Variants in RNLS observed in about 807,000 individuals in gnomAD.
The protein encoded by RNLS is renalase, FAD dependent amine oxidase, also known as renalase.
Under a neutral mutation model 39.8 loss-of-function variants are expected in RNLS, and 39 were observed. That is an observed-to-expected ratio of 0.98 (90% CI 0.76 to 1.28). RNLS has a LOEUF of 1.28. Ranked by LOEUF, RNLS falls within the 50% of genes most tolerant of loss-of-function variation. The probability of loss-of-function intolerance (pLI) is 0.00; values close to 1 mark genes in which losing one functional copy is unlikely to be tolerated. For missense variants in RNLS, 410 were observed against 413.3 expected (o/e 0.99, Z 0.07); for synonymous variants, 147 against 150.7 (o/e 0.98, Z 0.18).
chr10:88,328,706 C>T (rs188419974), intron 5 of RNLS, among the ~76,000 whole-genome samples: 28 of 152,152 alleles, frequency 1.8e-4, no homozygotes, highest in African/African-American at 6.3e-4. Context: ...AATACTAGAG[C>T]CTTAGATTAC....
the RNLS span, among the ~76,000 whole-genome samples, chr10:88,258,209 T>TA: frequency 1.3e-5 from 2 of 152,212 alleles, no homozygotes; most frequent in Non-Finnish European, 2.9e-5. Context: ...ATACAGGGCA[T>TA]AAAGGGTACT....
chr10:88,258,334 T>C, the RNLS span, among the ~76,000 whole-genome samples: 1 of 152,230 alleles, frequency 6.6e-6, no homozygotes, highest in African/African-American at 2.4e-5. Flanking sequence ...AATTATGTAT[T>C]CTGGATCCTA....
intron 4 of RNLS, among the ~76,000 whole-genome samples, chr10:88,379,821 G>A (rs1167244150): frequency 6.6e-6 from 1 of 152,116 alleles, no homozygotes; most frequent in Non-Finnish European, 1.5e-5. Context: ...AAGAATCTCA[G>A]GACATTTACA....
At chr10:88,270,230 C>A (rs1304046977), downstream of RNLS, among the ~76,000 whole-genome samples, 1 of 152,156 alleles carries the variant, frequency 6.6e-6, no homozygotes, top group Non-Finnish European at 1.5e-5. Context: ...GTGAGTCTTG[C>A]AGCTAAGAGA....
chr10:88,279,631 C>G (rs907167443), downstream of RNLS, among the ~76,000 whole-genome samples: 13 of 152,142 alleles, frequency 8.5e-5, no homozygotes, highest in Non-Finnish European at 1.6e-4. Context: ...TGTGAAATAA[C>G]TCACTCCTAG....
At chr10:88,203,288 A>G in the RNLS span, among the ~76,000 whole-genome samples, 5 of 6,380 alleles carry the variant, frequency 7.8e-4, 1 homozygote, top group African/African-American at 2.6e-3. Context: ...ATATATATAT[A>G]TACGTATGTA....
chr10:88,501,570 G>A (rs1225680280), intron 4 of RNLS, among the ~76,000 whole-genome samples: 2 of 152,034 alleles, frequency 1.3e-5, no homozygotes, highest in Non-Finnish European at 2.9e-5. Context: ...ACTGCCCATT[G>A]CACCCCTGAG....
chr10:88,477,119 T>A (rs1045148296), intron 4 of RNLS, among the ~76,000 whole-genome samples: 5 of 151,994 alleles, frequency 3.3e-5, no homozygotes, highest in Admixed American at 3.3e-4. Context: ...TGTATCAATA[T>A]CATTAAATAA....
At chr10:88,515,153 A>G (rs1031140210) in intron 4 of RNLS, among the ~76,000 whole-genome samples, 2 of 152,020 alleles carry the variant, frequency 1.3e-5, no homozygotes, top group African/African-American at 4.8e-5. Context: ...ATATTAAGGA[A>G]ACTAGCTATT....
the RNLS span, among the ~76,000 whole-genome samples, chr10:88,214,278 G>T: frequency 1.3e-5 from 2 of 152,140 alleles, no homozygotes; most frequent in African/African-American, 4.8e-5. Flanking sequence ...TCAGGGCAGG[G>T]AAGTCAGGCA....
the RNLS span, among the ~76,000 whole-genome samples, chr10:88,241,235 C>A: frequency 6.7e-6 from 1 of 149,150 alleles, no homozygotes; most frequent in African/African-American, 2.5e-5. Flanking sequence ...TATTATTTCT[C>A]CCTTTAATTT....
intron 4 of RNLS, among the ~76,000 whole-genome samples, chr10:88,524,956 C>CACACACATATATATATATAT (rs768939981): frequency 2.6e-5 from 2 of 76,282 alleles, no homozygotes; most frequent in African/African-American, 9.1e-5. Context: ...ATGGCACACA[C>CACACACATATATATATATAT]ATACATATAT....
chr10:88,445,290 G>A (rs1190928318), intron 4 of RNLS, among the ~76,000 whole-genome samples: 1 of 152,142 alleles, frequency 6.6e-6, no homozygotes, highest in African/African-American at 2.4e-5. Flanking sequence ...TTACCACCAG[G>A]CCTGCCCTAC....
chr10:88,273,978 A>G (rs956380836), exon 7 of RNLS: 1 of 152,220 alleles, frequency 6.6e-6, no homozygotes, highest in African/African-American at 2.4e-5. Context: ...TTGATTACTC[A>G]TGAGGCAAAA....
intron 6 of RNLS, among the ~76,000 whole-genome samples, chr10:88,292,771 T>G (rs1834637): frequency 6.6e-6 from 1 of 151,940 alleles, no homozygotes; most frequent in Non-Finnish European, 1.5e-5. Flanking sequence ...CGGCCAAGCG[T>G]GGTGGCTCAC....
At chr10:88,374,335 T>G (rs1850795797) in intron 4 of RNLS, among the ~76,000 whole-genome samples, 1 of 152,238 alleles carries the variant, frequency 6.6e-6, no homozygotes, top group South Asian at 2.1e-4. Context: ...TAACAAGGTA[T>G]CTGTTTTTAC....
intron 4 of RNLS, among the ~76,000 whole-genome samples, chr10:88,512,106 G>C (rs1365148141): frequency 6.6e-6 from 1 of 152,092 alleles, no homozygotes; most frequent in African/African-American, 2.4e-5. Flanking sequence ...GGGAAATTTT[G>C]CTAGTAAATA....
downstream of RNLS, among the ~76,000 whole-genome samples, chr10:88,271,067 C>A (rs181110813): frequency 3.9e-5 from 6 of 152,242 alleles, no homozygotes; most frequent in South Asian, 2.1e-4. Context: ...TGGTCTTGAT[C>A]ATTTCCTCTG....
intron 4 of RNLS, among the ~76,000 whole-genome samples, chr10:88,464,390 G>A (rs1843093745): frequency 6.6e-6 from 1 of 152,086 alleles, no homozygotes; most frequent in Non-Finnish European, 1.5e-5. Flanking sequence ...GAATGATTCA[G>A]AGCTAATATT....
Sources: allele counts gnomAD v4.1 joint callset (sites outside exome capture counted in the v4.1 genomes callset), GRCh38; gene constraint gnomAD v4.1.1; transcripts MANE v1.5; gene names NCBI Gene and HGNC (gene_info 2026-07-23, HGNC 2026-07-21).